The following VCL variants were observed in gnomAD, a reference collection of about 807,000 sequenced individuals.
VCL encodes the protein epididymis luminal protein 114.
In VCL, 47 loss-of-function variants were observed where a neutral mutation model predicts 125.7. The observed-to-expected ratio is 0.37, with a 90% CI of 0.30 to 0.48. The LOEUF is 0.48. Ranked by LOEUF, VCL falls within the 20% of genes least tolerant of loss-of-function variation. The pLI is 0.99. For synonymous variants in VCL, 458 were observed against 514.6 expected (o/e 0.89, Z 1.49); for missense variants, 1,069 against 1,455.5 (o/e 0.73, Z 4.32).
rs375627694 is a variant in VCL, at chr10:74,111,988, C to A, written c.2825C>A (p.Pro942His). ...DAADAAGFPV[P>H]PDMEDDYEPE... is the part of the protein sequence containing the mutation. The stretch of plus-strand genomic sequence containing the variant: ...GCCGATGCTGCTGGCTTCCCTGTCC[C>A]CCCTGACATGGAAGACGATTACGAA... Residue 942 changes from proline to histidine, a missense_variant, in exon 19 of 22, where the codon CCC becomes CAC. Pro to His is a moderately conservative substitution (Grantham distance 77). Coordinates refer to ENST00000211998, the MANE Select transcript of VCL (RefSeq NM_014000.3). The A allele has an allele frequency of 3.1e-6, 5 of 1,614,210 alleles. No homozygotes were observed. In the African/African-American group the frequency reaches 6.7e-5, roughly 22 times the overall value.
In VCL at chr10:74,062,239, A is replaced by AT. The variant is rs1241923854; in HGVS notation, c.240-8425dup. Among the ~76,000 whole-genome samples, 7 of 150,880 alleles carry AT rather than the reference A, an allele frequency of 4.6e-5. No homozygotes were observed. In the East Asian group the frequency reaches 1.4e-3, roughly 30 times the overall value. On this transcript the variant is annotated intron_variant, in intron 2 of 21. Transcript: ENST00000211998. The stretch of plus-strand genomic sequence containing the variant: ...CACCACCACACATGGCTAATTTTTT[A>AT]TTTTTTGTAAAAATGGGGTTTTGCC...
chr10:74,043,276 A>C, intron 2 of VCL, 123 bp downstream of exon 2: 1 of 880,184 alleles, frequency 1.1e-6, no homozygotes, highest in East Asian at 2.5e-5. Context: ...TTGAAATTTC[A>C]ACTTTTTTGT....
intron 6 of VCL, chr10:74,075,716 G>GA (rs1406415492): frequency 1.3e-5 from 2 of 152,698 alleles, no homozygotes; most frequent in Non-Finnish European, 2.9e-5. Flanking sequence ...GGGCCAGCCA[G>GA]AAGGCTGGTA....
chr10:74,066,673 A>ATT (rs34258352), intron 2 of VCL, among the ~76,000 whole-genome samples: 4 of 142,502 alleles, frequency 2.8e-5, no homozygotes, highest in Admixed American at 7.0e-5. Context: ...TTATAAAATG[A>ATT]TTTTTTTTTT....
chr10:74,045,649 A>G (rs1170838176), intron 2 of VCL, among the ~76,000 whole-genome samples: 2 of 151,746 alleles, frequency 1.3e-5, no homozygotes, highest in Non-Finnish European at 2.9e-5. Flanking sequence ...AAGTTCAAAA[A>G]CATGCAGAAA....
chr10:74,084,196 GATGGGGT>G (rs1839729237), intron 8 of VCL, among the ~76,000 whole-genome samples: 6 of 152,024 alleles, frequency 3.9e-5, no homozygotes, highest in Non-Finnish European at 8.8e-5. Flanking sequence ...TTTTAGTAGA[GATGGGGT>G]TTTGCCAGGT....
chr10:74,027,993 T>G (rs919688843), intron 1 of VCL: 1 of 152,212 alleles, frequency 6.6e-6, no homozygotes. Flanking sequence ...GATCATCCAG[T>G]GATGTTTTCC....
intron 10 of VCL, among the ~76,000 whole-genome samples, chr10:74,091,651 G>T (rs1287641892): frequency 6.6e-6 from 1 of 151,684 alleles, no homozygotes; most frequent in East Asian, 1.9e-4. Context: ...AATTAGCCAG[G>T]CCTGGTGGTG....
chr10:74,052,465 C>A (rs550319929), intron 2 of VCL, among the ~76,000 whole-genome samples: 6 of 150,900 alleles, frequency 4.0e-5, no homozygotes, highest in African/African-American at 1.5e-4. Flanking sequence ...CAACCTCCCC[C>A]TCTAGGGCTC....
At chr10:74,072,934 T>A in intron 5 of VCL, 82 bp downstream of exon 5, 1 of 1,588,058 alleles carries the variant, frequency 6.3e-7, no homozygotes, top group Non-Finnish European at 8.6e-7. Flanking sequence ...TGTTTTCTTT[T>A]GTTTTCTTTT....
intron 1 of VCL, among the ~76,000 whole-genome samples, chr10:74,017,065 T>TTTTTTTTTTTTG (rs1840557355): frequency 8.5e-6 from 1 of 117,742 alleles, no homozygotes; most frequent in Admixed American, 9.2e-5. Context: ...TTTTTTTTTT[T>TTTTTTTTTTTTG]GAGACGGAGT....
At chr10:74,012,193 T>C (rs1283668472) in intron 1 of VCL, among the ~76,000 whole-genome samples, 1 of 152,230 alleles carries the variant, frequency 6.6e-6, no homozygotes, top group East Asian at 1.9e-4. Flanking sequence ...CCTGGAGAAC[T>C]GGCTCATCTT....
chr10:74,044,788 A>G (rs759583922), intron 2 of VCL, among the ~76,000 whole-genome samples: 1 of 152,212 alleles, frequency 6.6e-6, no homozygotes, highest in African/African-American at 2.4e-5. Flanking sequence ...ATCATGGTGT[A>G]ATCAGAAATT....
intron 17 of VCL, among the ~76,000 whole-genome samples, chr10:74,108,469 C>CTTTTTTTTTTTTTTTTTTTTTTT (rs796858541): frequency 6.9e-6 from 1 of 145,708 alleles, no homozygotes. Flanking sequence ...AGCTGCAAGC[C>CTTTTTTTTTTTTTTTTTTTTTTT]TTTTTTTTTT....
At chr10:74,013,637 A>G (rs555391566) in intron 1 of VCL, among the ~76,000 whole-genome samples, 1 of 152,196 alleles carries the variant, frequency 6.6e-6, no homozygotes, top group East Asian at 1.9e-4. Context: ...TTAAAATCCC[A>G]TTGTTGACAC....
At chr10:74,103,649 T>C (rs1353683781) in intron 14 of VCL, among the ~76,000 whole-genome samples, 171 bp from the exon 15 acceptor site, 1 of 152,204 alleles carries the variant, frequency 6.6e-6, no homozygotes, top group African/African-American at 2.4e-5. Context: ...AAGGGCCCAT[T>C]CTGGGGAGCT....
intron 2 of VCL, among the ~76,000 whole-genome samples, chr10:74,057,904 G>C (rs1193968267): frequency 6.6e-6 from 1 of 152,204 alleles, no homozygotes; most frequent in Non-Finnish European, 1.5e-5. Context: ...CTGCACTCCA[G>C]CCCAGACAAA....
At chr10:74,110,546 T>C (rs1237175962) in intron 18 of VCL, among the ~76,000 whole-genome samples, 1 of 152,240 alleles carries the variant, frequency 6.6e-6, no homozygotes, top group African/African-American at 2.4e-5. Flanking sequence ...TGTGGGACTC[T>C]GAGCCTTAGC....
At chr10:74,005,948 C>T (rs1258958595) in intron 1 of VCL, among the ~76,000 whole-genome samples, 4 of 151,840 alleles carry the variant, frequency 2.6e-5, no homozygotes, top group Non-Finnish European at 5.9e-5. Flanking sequence ...TGCAATTGCA[C>T]GATCTCAGCT....
Sources: allele counts gnomAD v4.1 joint callset (sites outside exome capture counted in the v4.1 genomes callset), GRCh38; gene constraint gnomAD v4.1.1; transcripts MANE v1.5; gene names NCBI Gene and HGNC (gene_info 2026-07-23, HGNC 2026-07-21).